EPB41L2: variants seen among roughly 807,000 people sequenced by gnomAD.
The protein encoded by EPB41L2 is erythrocyte membrane protein band 4.1 like 2, also known as band 4.1-like protein 2.
Under a neutral mutation model 113.0 loss-of-function variants are expected in EPB41L2, and 43 were observed. That is an observed-to-expected ratio of 0.38 (90% CI 0.30 to 0.49). EPB41L2 has a LOEUF of 0.49. EPB41L2 is among the 20% of genes least tolerant of loss of function. The probability of loss-of-function intolerance (pLI) is 0.95; values close to 1 mark genes in which losing one functional copy is unlikely to be tolerated. For synonymous variants in EPB41L2, 442 were observed against 436.7 expected, an observed-to-expected ratio of 1.01 and a Z score of -0.15; for missense variants, 1,147 against 1,223.4, an observed-to-expected ratio of 0.94 and a Z score of 0.93.
intron 1 of EPB41L2, among the ~76,000 whole-genome samples, chr6:131,020,111 TC>T (rs1398350050): frequency 1.3e-5 from 2 of 152,286 alleles, no homozygotes; most frequent in Non-Finnish European, 2.9e-5. Context: ...TATATTGTCT[TC>T]TAATCTGAGA....
In EPB41L2 at chr6:131,016,477, A is replaced by AACACACACACAC. The variant is rs10584309; in HGVS notation, c.-15+46666_-15+46677dup. ...ATATTTATTAAGCATTTAATAAGGA[A>AACACACACACAC]ACACACACACACACACACACACACA... On this transcript the variant is annotated intron_variant, in intron 1 of 19. Transcript: ENST00000337057. 2.4e-3 allele frequency among the ~76,000 whole-genome samples: 339 copies of AACACACACACAC among 143,514 alleles called. 2 individuals carry two copies. Among genetic ancestry groups the AACACACACACAC allele is most frequent in the East Asian group, 7.2e-3 (35 of 4,834 alleles). 94.2% of individuals were successfully genotyped at this position (143,514 alleles called of 152,430 possible).
At chr6:130,903,600 A>G (rs1412104342) in intron 6 of EPB41L2, among the ~76,000 whole-genome samples, 1 of 152,136 alleles carries the variant, frequency 6.6e-6, no homozygotes, top group Non-Finnish European at 1.5e-5. Context: ...AGTTTTCTAA[A>G]AGTCATGCAC....
Position 130,885,125 on chromosome 6 carries a change from C to T in EPB41L2, c.1804G>A (p.Ala602Thr), listed in dbSNP as rs201062554. 6.2e-7 allele frequency: 1 copy of T among 1,614,100 alleles called. No individual in the cohort carries two copies. The highest frequency in any genetic ancestry group is 1.3e-5 in the African/African-American group (1 of 75,036). The change falls in exon 12 of 20, where the codon GCC (alanine) becomes ACC (threonine). Residue 602 changes from alanine (A) to threonine (T), a missense_variant. Transcript: ENST00000337057. The stretch of plus-strand genomic sequence containing the variant: ...CCTTCAATGAGCTGCAAATGTGGGG[C>T]TTTAGTTGGGCTTCTCACTTCCCTC... ...GRREVRSPTK[A>T]PHLQLIEGKK...
At chr6:130,852,743 T>G (rs1265389429) in intron 19 of EPB41L2, among the ~76,000 whole-genome samples, 3 of 152,194 alleles carry the variant, frequency 2.0e-5, no homozygotes, top group Non-Finnish European at 4.4e-5. Flanking sequence ...CTCCTCAGCT[T>G]GGCTTAGAAG....
At chr6:130,868,936 C>A (rs1402860517) in intron 15 of EPB41L2, 1 of 152,408 alleles carries the variant, frequency 6.6e-6, no homozygotes, top group Non-Finnish European at 1.5e-5. Flanking sequence ...CTCTGGCTGC[C>A]TGGAAGAAAA....
At chr6:131,036,269 A>G (rs958706250) in intron 1 of EPB41L2, among the ~76,000 whole-genome samples, 2 of 152,202 alleles carry the variant, frequency 1.3e-5, no homozygotes, top group African/African-American at 4.8e-5. Context: ...TATAGAAGTC[A>G]GGAAACGATC....
chr6:131,003,740 T>C (rs1784857809), intron 1 of EPB41L2, among the ~76,000 whole-genome samples: 2 of 152,232 alleles, frequency 1.3e-5, no homozygotes. Flanking sequence ...TTCATACTTA[T>C]TTTCACAACA....
chr6:130,850,889 C>T (rs957719371), intron 19 of EPB41L2, among the ~76,000 whole-genome samples: 4 of 152,160 alleles, frequency 2.6e-5, no homozygotes, highest in African/African-American at 4.8e-5. Context: ...TCATTGATAA[C>T]ACCTGGTAGA....
At chr6:130,897,893 G>A (rs1795123678) in intron 8 of EPB41L2, among the ~76,000 whole-genome samples, 1 of 151,562 alleles carries the variant, frequency 6.6e-6, no homozygotes, top group African/African-American at 2.4e-5. Context: ...TAAATGAGAT[G>A]GTATACTTGT....
intron 3 of EPB41L2, among the ~76,000 whole-genome samples, chr6:130,928,508 G>A (rs1320692637): frequency 1.3e-5 from 2 of 152,224 alleles, no homozygotes; most frequent in African/African-American, 2.4e-5. Flanking sequence ...GACAACTGAT[G>A]TCTACAAAAA....
intron 3 of EPB41L2, among the ~76,000 whole-genome samples, chr6:130,953,723 A>C (rs1330312240): frequency 6.6e-6 from 1 of 151,856 alleles, no homozygotes; most frequent in East Asian, 1.9e-4. Context: ...CTCTGCCTTC[A>C]TGACTGGGAT....
intron 1 of EPB41L2, among the ~76,000 whole-genome samples, chr6:130,994,276 G>A (rs1356879038): frequency 6.6e-6 from 1 of 152,128 alleles, no homozygotes; most frequent in Non-Finnish European, 1.5e-5. Flanking sequence ...ATCTGATCAG[G>A]AATCACACTT....
At chr6:130,961,710 C>T (rs534031292) in intron 1 of EPB41L2, among the ~76,000 whole-genome samples, 1 of 152,276 alleles carries the variant, frequency 6.6e-6, no homozygotes, top group East Asian at 1.9e-4. Flanking sequence ...GAGCAGGGAA[C>T]AGGGTAGGTG....
chr6:130,874,170 T>C (rs1582944643), intron 14 of EPB41L2, among the ~76,000 whole-genome samples: 1 of 152,150 alleles, frequency 6.6e-6, no homozygotes, highest in Non-Finnish European at 1.5e-5. Context: ...AATAGAGTTA[T>C]TTACCCATTA....
chr6:130,954,036 C>CTTTTTTTTT (rs1816328530), intron 3 of EPB41L2, among the ~76,000 whole-genome samples: 6 of 45,526 alleles, frequency 1.3e-4, no homozygotes, highest in African/African-American at 1.7e-4. Flanking sequence ...TAGTCCTTTT[C>CTTTTTTTTT]TTTCTTTTTT....
intron 3 of EPB41L2, among the ~76,000 whole-genome samples, chr6:130,940,133 C>T (rs769601290): frequency 2.0e-5 from 3 of 152,184 alleles, no homozygotes; most frequent in Non-Finnish European, 4.4e-5. Flanking sequence ...TCCACTTCTC[C>T]ATAGATTTAG....
chr6:130,857,575 T>G (rs1780662698), intron 19 of EPB41L2, among the ~76,000 whole-genome samples: 1 of 93,484 alleles, frequency 1.1e-5, no homozygotes, highest in African/African-American at 4.3e-5. Flanking sequence ...TTTTTTTTTT[T>G]GAGATGGAGT....
At chr6:130,973,341 G>C (rs1777396642) in intron 1 of EPB41L2, among the ~76,000 whole-genome samples, 1 of 151,576 alleles carries the variant, frequency 6.6e-6, no homozygotes, top group African/African-American at 2.4e-5. Context: ...GTTTTCATTG[G>C]TTCACAAAGG....
intron 4 of EPB41L2, among the ~76,000 whole-genome samples, chr6:130,912,817 G>A (rs942947242): frequency 1.3e-5 from 2 of 151,982 alleles, no homozygotes. Context: ...GGTGAGAAAG[G>A]GGCAAATGGG....
Sources: allele counts gnomAD v4.1 joint callset (sites outside exome capture counted in the v4.1 genomes callset), GRCh38; gene constraint gnomAD v4.1.1; transcripts MANE v1.5; gene names NCBI Gene and HGNC (gene_info 2026-07-23, HGNC 2026-07-21).